ASTN2: variants seen among roughly 807,000 people sequenced by gnomAD.
ASTN2 encodes astrotactin 2.
A neutral mutation model predicts 139.8 loss-of-function variants in ASTN2; 54 were observed. The ratio of observed to expected loss-of-function variants is 0.39; its 90% CI spans 0.31 to 0.48. ASTN2 has a LOEUF of 0.48. ASTN2 is among the 20% of genes least tolerant of loss of function. The pLI, the probability that ASTN2 is intolerant of heterozygous loss-of-function variation, is 0.95. For synonymous variants in ASTN2, 756 were observed against 719.5 expected, an observed-to-expected ratio of 1.05 and a Z score of -0.81; for missense variants, 1,565 against 1,725.1, an observed-to-expected ratio of 0.91 and a Z score of 1.64.
intron 16 of ASTN2, among the ~76,000 whole-genome samples, chr9:116,659,700 C>T (rs1588153007): frequency 6.6e-6 from 1 of 152,164 alleles, no homozygotes; most frequent in African/African-American, 2.4e-5. Context: ...CCAATCTCCT[C>T]CACCCATTTC....
chr9:116,878,477 A>C (rs1391425941), intron 10 of ASTN2, among the ~76,000 whole-genome samples: 1 of 152,154 alleles, frequency 6.6e-6, no homozygotes, highest in Non-Finnish European at 1.5e-5. Context: ...GCATGTTCTC[A>C]CTTATAAATG....
chr9:116,646,600 C>A (rs1438708845), intron 17 of ASTN2, among the ~76,000 whole-genome samples: 1 of 152,174 alleles, frequency 6.6e-6, no homozygotes, highest in Non-Finnish European at 1.5e-5. Context: ...ATTCCCACTG[C>A]AACCTGGCTC....
At chr9:117,194,265 T>C (rs1831430844) in intron 3 of ASTN2, among the ~76,000 whole-genome samples, 1 of 152,144 alleles carries the variant, frequency 6.6e-6, no homozygotes, top group South Asian at 2.1e-4. Flanking sequence ...TTCAGATCTC[T>C]GGGAAAGAAA....
chr9:117,114,804 C>A (rs1829337227), intron 4 of ASTN2, among the ~76,000 whole-genome samples: 1 of 152,156 alleles, frequency 6.6e-6, no homozygotes, highest in Admixed American at 6.5e-5. Flanking sequence ...TCTCCTGGGA[C>A]AGAAACCAGT....
At chr9:116,932,424 G>A (rs1834926464) in intron 10 of ASTN2, among the ~76,000 whole-genome samples, 2 of 152,134 alleles carry the variant, frequency 1.3e-5, no homozygotes, top group Non-Finnish European at 2.9e-5. Flanking sequence ...CCTGAAGCTG[G>A]GTGTGGCTGT....
At chr9:117,210,464 G>C (rs1253853273) in intron 3 of ASTN2, among the ~76,000 whole-genome samples, 1 of 151,920 alleles carries the variant, frequency 6.6e-6, no homozygotes, top group Non-Finnish European at 1.5e-5. Context: ...CAGAGAAAAT[G>C]GATAAATTTC....
chr9:117,091,484 G>A (rs549770331), intron 5 of ASTN2, among the ~76,000 whole-genome samples: 1 of 152,300 alleles, frequency 6.6e-6, no homozygotes, highest in South Asian at 2.1e-4. Flanking sequence ...GTACAGCACA[G>A]CATCTGGTAT....
chr9:117,356,716 G>T (rs906325766), intron 1 of ASTN2, among the ~76,000 whole-genome samples: 1 of 151,858 alleles, frequency 6.6e-6, no homozygotes, highest in Non-Finnish European at 1.5e-5. Flanking sequence ...ATGAAGGAAG[G>T]TAAAAAAAAT....
intron 2 of ASTN2, among the ~76,000 whole-genome samples, chr9:117,253,371 G>A (rs756949368): frequency 6.6e-6 from 1 of 152,206 alleles, no homozygotes; most frequent in Non-Finnish European, 1.5e-5. Context: ...AATGCCCTGA[G>A]GCAAACAGAG....
At chr9:117,408,388 G>A (rs1283433802) in intron 1 of ASTN2, among the ~76,000 whole-genome samples, 4 of 152,128 alleles carry the variant, frequency 2.6e-5, no homozygotes, top group Non-Finnish European at 5.9e-5. Flanking sequence ...TCAATGCCTT[G>A]TGAGTCTGTG....
In ASTN2 at chr9:116,452,444, T is replaced by C. The variant is rs184182628; in HGVS notation, c.3498-9891A>G. 2.6e-5 allele frequency among the ~76,000 whole-genome samples: 4 copies of C among 152,336 alleles called. No homozygotes were observed. In the East Asian group the frequency reaches 7.7e-4, roughly 29 times the overall value. Reference sequence around the variant, plus strand: ...TCTCTGCACCTCAGTGGCCTGTCAATAACCCCATGGTGACGGTGTGAGGAC... The same window carrying C: ...TCTCTGCACCTCAGTGGCCTGTCAACAACCCCATGGTGACGGTGTGAGGAC... On this transcript the variant is annotated intron_variant, in intron 20 of 22. Transcript: ENST00000313400.
intron 17 of ASTN2, among the ~76,000 whole-genome samples, 200 bp downstream of exon 17, chr9:116,651,328 G>T (rs1295601513): frequency 6.6e-6 from 1 of 152,158 alleles, no homozygotes; most frequent in African/African-American, 2.4e-5. Context: ...AGATTTAAGG[G>T]TTTATTGTTT....
chr9:116,794,316 T>C (rs1830635439), intron 13 of ASTN2, among the ~76,000 whole-genome samples: 1 of 152,060 alleles, frequency 6.6e-6, no homozygotes, highest in African/African-American at 2.4e-5. Context: ...CAGGCTGGTC[T>C]CGAACTCCTG....
At position 117,039,960 on chromosome 9, in the gene ASTN2, G is replaced by A. The variant is rs1838505468; in HGVS notation, c.1282C>T (p.Leu428=). ...YRSRRRSKGL[L]KSPVNKTALT... is the part of the protein sequence containing the mutation. The stretch of plus-strand genomic sequence containing the variant: ...GCTGTCTTGTTCACTGGGCTTTTCA[G>A]CAAACCTGGTAACAAGAACATACAC... Residue 428 remains leucine (L), a synonymous_variant, in exon 6 of 23, where the codon CTG becomes TTG. Transcript: ENST00000313400. The A allele has an allele frequency of 1.2e-6, 2 of 1,609,974 alleles. No individual in the cohort carries two copies. Among genetic ancestry groups the A allele is most frequent in the Admixed American group, 1.7e-5 (1 of 59,604 alleles).
intron 16 of ASTN2, chr9:116,700,040 A>C: frequency 2.8e-6 from 1 of 354,186 alleles, no homozygotes; most frequent in South Asian, 3.9e-5. Context: ...CTTGTATTAA[A>C]TCCTTGATTT....
At chr9:117,178,878 C>A (rs1447165040) in intron 3 of ASTN2, among the ~76,000 whole-genome samples, 18 of 152,232 alleles carry the variant, frequency 1.2e-4, no homozygotes, top group Admixed American at 1.2e-3. Flanking sequence ...GGCCCACCAC[C>A]ACAGACAGTG....
chr9:117,297,531 A>T (rs1834766062), intron 1 of ASTN2, among the ~76,000 whole-genome samples: 1 of 152,254 alleles, frequency 6.6e-6, no homozygotes, highest in African/African-American at 2.4e-5. Flanking sequence ...AAGAGGAGAC[A>T]TACTCAGGAA....
chr9:117,372,409 T>C (rs558198148), intron 1 of ASTN2, among the ~76,000 whole-genome samples: 1 of 152,272 alleles, frequency 6.6e-6, no homozygotes, highest in South Asian at 2.1e-4. Flanking sequence ...CTGGACCCCA[T>C]TCATATGGCC....
At chr9:116,553,400 A>G (rs1852444834) in intron 19 of ASTN2, among the ~76,000 whole-genome samples, 1 of 152,116 alleles carries the variant, frequency 6.6e-6, no homozygotes, top group South Asian at 2.1e-4. Context: ...TGTTTTCCTT[A>G]ACTTTTCTCT....
Sources: gnomAD v4.1 joint callset for allele counts (sites outside exome capture counted in the v4.1 genomes callset) on GRCh38, gnomAD v4.1.1 for gene constraint, MANE v1.5 for transcripts, NCBI Gene and HGNC (gene_info 2026-07-23, HGNC 2026-07-21) for gene names.